ZNF547: variants seen among roughly 807,000 people sequenced by gnomAD.
ZNF547 encodes zinc finger protein 547.
ZNF547 carries 4 observed loss-of-function variants against 7.7 expected under a neutral mutation model. The observed-to-expected ratio is 0.52, with a 90% CI of 0.26 to 1.20. The LOEUF (loss-of-function observed/expected upper bound fraction) is 1.20, where lower values mean the gene tolerates loss of function less well. Among genes scored for constraint, ZNF547 ranks in the 50% most tolerant of loss-of-function variants. The pLI is 0.14. For synonymous variants in ZNF547, 166 were observed against 166.2 expected, an observed-to-expected ratio of 1.00 and a Z score of 0.01; for missense variants, 449 against 485.8, an observed-to-expected ratio of 0.92 and a Z score of 0.71.
At chr19:57,374,520 C>T (rs371112196) in intron 3 of ZNF547, among the ~76,000 whole-genome samples, 3 of 152,254 alleles carry the variant, frequency 2.0e-5, no homozygotes, top group African/African-American at 2.4e-5. Context: ...TTCCACTCCT[C>T]GTTACTTATG....
rs1236227352 is a variant in ZNF547, at chr19:57,378,319, C to A, written c.*134C>A. On this transcript the variant is annotated 3_prime_UTR_variant, in exon 4 of 4. Coordinates refer to ENST00000282282, the MANE Select transcript of ZNF547 (RefSeq NM_173631.4). The stretch of plus-strand genomic sequence containing the variant: ...AATTATGTAGGTACAGCTCTCCAGT[C>A]GCTATGTATCAGAGAATTCACACTG... 6 of 813,728 alleles carry A rather than the reference C, an allele frequency of 7.4e-6. No individual in the cohort carries two copies. The highest frequency in any genetic ancestry group is 3.1e-5 in the South Asian group (2 of 63,550). 50.4% of individuals were successfully genotyped at this position (813,728 alleles called of 1,614,324 possible).
chr19:57,368,507 T>C (rs1443621492), intron 1 of ZNF547, 37 bp from the exon 2 acceptor site: 1 of 1,609,502 alleles, frequency 6.2e-7, no homozygotes, highest in Non-Finnish European at 8.5e-7. Flanking sequence ...GATCTTCCCA[T>C]CGTTGCCCAT....
At position 57,377,297 on chromosome 19, in the gene ZNF547, AAC is replaced by A; in HGVS notation, c.326_327del (p.His109ProfsTer21). On this transcript the variant is annotated frameshift_variant, in exon 4 of 4. Coordinates refer to ENST00000282282, the MANE Select transcript of ZNF547 (RefSeq NM_173631.4). LOFTEE classifies it low-confidence loss of function (END_TRUNC). The part of the protein sequence containing the change: ...DILRLAEHDG[T>X]HPEQGLYTCP... ...TTCTGCGTCTGGCTGAGCATGACGG[AAC>A]ACACCCCGAGCAGGGACTGTACACG... 1 of 1,614,186 alleles carries A rather than the reference AAC, an allele frequency of 6.2e-7. No homozygotes were observed. The highest frequency in any genetic ancestry group is 2.2e-5 in the East Asian group (1 of 44,876).
At chr19:57,374,214 T>G (rs1030075892) in intron 3 of ZNF547, among the ~76,000 whole-genome samples, 1 of 152,248 alleles carries the variant, frequency 6.6e-6, no homozygotes, top group Non-Finnish European at 1.5e-5. Flanking sequence ...CACCAAGGCT[T>G]GGGGCTTAAA....
In ZNF547 at chr19:57,373,833, C is replaced by T. The variant is rs190259935; in HGVS notation, c.151+1925C>T. On this transcript the variant is annotated intron_variant, in intron 3 of 3. Transcript: ENST00000282282. ...CTCCCACTGTCTTGGGCAACTCTGC[C>T]CCTGTGGCTTTGCAGGGTACAGACC... Among the ~76,000 whole-genome samples the T allele has an allele frequency of 3.3e-3, 497 of 152,332 alleles. 1 individual carries two copies. Among genetic ancestry groups the T allele is most frequent in the Non-Finnish European group, 5.6e-3 (380 of 68,040 alleles).
At position 57,378,823 on chromosome 19, in the gene ZNF547, CTA is replaced by C. The variant is rs754480644; in HGVS notation, c.*641_*642del. ...ACTCTTTATCTTGTAAAATGAAACT[CTA>C]TAACCACCATTAAAAAAACAACTCA... On this transcript the variant is annotated 3_prime_UTR_variant, in exon 4 of 4. Coordinates refer to ENST00000282282, the MANE Select transcript of ZNF547 (RefSeq NM_173631.4). 1 of 404,642 alleles carries C rather than the reference CTA, an allele frequency of 2.5e-6. No homozygotes were observed. Among genetic ancestry groups the C allele is most frequent in the Admixed American group, 3.5e-5 (1 of 28,596 alleles). 25.1% of individuals were successfully genotyped at this position (404,642 alleles called of 1,614,324 possible).
rs569113860 is a variant in ZNF547, at chr19:57,378,279, G to C, written c.*94G>C. The C allele has an allele frequency of 4.6e-5, 54 of 1,169,886 alleles. No individual in the cohort carries two copies. The South Asian group carries it at 7.0e-4, about 15-fold the overall frequency. 72.5% of individuals were successfully genotyped at this position (1,169,886 alleles called of 1,614,324 possible). A position where few individuals can be genotyped will look rare whatever the true frequency, so the allele number is the denominator to read the frequency against. ...AGTACACACTGGAGAAAGACTGAAT[G>C]CCGTGAACGTGGGTAATTATGTAGG... On this transcript the variant is annotated 3_prime_UTR_variant, in exon 4 of 4. Coordinates refer to ENST00000282282, the MANE Select transcript of ZNF547 (RefSeq NM_173631.4).
intron 1 of ZNF547, among the ~76,000 whole-genome samples, chr19:57,366,202 T>G (rs958369452): frequency 6.7e-6 from 1 of 148,866 alleles, no homozygotes; most frequent in Non-Finnish European, 1.5e-5. Context: ...ATAAGCTTTT[T>G]TGTGTGTGTG....
Position 57,377,796 on chromosome 19 carries a change from G to T in ZNF547, c.820G>T (p.Gly274Trp). The T allele has an allele frequency of 6.2e-7, 1 of 1,614,172 alleles. No individual in the cohort carries two copies. Among genetic ancestry groups the T allele is most frequent in the African/African-American group, 1.3e-5 (1 of 75,044 alleles). Reference protein sequence around the residue: ...GKRPYGCSECGKFFKCNSNLF... With the variant: ...GKRPYGCSECWKFFKCNSNLF... ...GAGGCCTTATGGTTGCAGTGAATGTGGGAAGTTCTTTAAGTGCAACTCAAA... is the reference window on the plus strand; with the variant it reads ...GAGGCCTTATGGTTGCAGTGAATGTTGGAAGTTCTTTAAGTGCAACTCAAA... Residue 274 changes from glycine (G) to tryptophan (W), a missense_variant, in exon 4 of 4, where the codon GGG becomes TGG. By Grantham distance (184) the Gly-to-Trp change is radical. Transcript: ENST00000282282.
At position 57,378,808 on chromosome 19, in the gene ZNF547, T is replaced by C; in HGVS notation, c.*623T>C. On this transcript the variant is annotated 3_prime_UTR_variant, in exon 4 of 4. Coordinates refer to ENST00000282282, the MANE Select transcript of ZNF547 (RefSeq NM_173631.4). Reference sequence around the variant, plus strand: ...CAAAGAATATCCTGAACTCTTTATCTTGTAAAATGAAACTCTATAACCACC... The same window carrying C: ...CAAAGAATATCCTGAACTCTTTATCCTGTAAAATGAAACTCTATAACCACC... 1 of 437,150 alleles carries C rather than the reference T, an allele frequency of 2.3e-6. No individual in the cohort carries two copies. Among genetic ancestry groups the C allele is most frequent in the South Asian group, 1.7e-5 (1 of 58,880 alleles). The allele number at this position is 437,150 out of a possible 1,614,324, so 27.1% of individuals were successfully genotyped here. A position where few individuals can be genotyped will look rare whatever the true frequency, so the allele number is the denominator to read the frequency against.
Position 57,378,077 on chromosome 19 carries a change from C to T in ZNF547, c.1101C>T (p.Leu367=). ...AGGCCTTCCTTACAAAGTCCCACCT[C>T]ATTTGTCATCAGACAGTTCACACTG... is the stretch of plus-strand genomic sequence containing the variant. ...CGKAFLTKSH[L]ICHQTVHTAA... The change falls in exon 4 of 4, where the codon CTC becomes CTT. Residue 367 remains leucine, a synonymous_variant. Transcript: ENST00000282282. 1.2e-6 allele frequency: 2 copies of T among 1,614,000 alleles called. No homozygotes were observed. Among genetic ancestry groups the T allele is most frequent in the Non-Finnish European group, 8.5e-7 (1 of 1,179,984 alleles).
At chr19:57,369,737 G>C (rs2088492185) in intron 2 of ZNF547, among the ~76,000 whole-genome samples, 1 of 152,012 alleles carries the variant, frequency 6.6e-6, no homozygotes, top group South Asian at 2.1e-4. Flanking sequence ...TGGACATGAT[G>C]GGGTTGCTGA....
At chr19:57,368,493 G>A (rs566275391) in intron 1 of ZNF547, 51 bp from the exon 2 acceptor site, 2 of 1,586,800 alleles carry the variant, frequency 1.3e-6, no homozygotes, top group African/African-American at 2.7e-5. Flanking sequence ...AACTCTGCCT[G>A]TAAGATCTTC....
chr19:57,370,693 T>C (rs2088499202), intron 2 of ZNF547, among the ~76,000 whole-genome samples: 1 of 152,196 alleles, frequency 6.6e-6, no homozygotes, highest in Non-Finnish European at 1.5e-5. Flanking sequence ...GGTGACTCCA[T>C]GGAAACTGGC....
chr19:57,369,079 A>G (rs1323070716), intron 2 of ZNF547, among the ~76,000 whole-genome samples: 1 of 152,144 alleles, frequency 6.6e-6, no homozygotes, highest in Non-Finnish European at 1.5e-5. Flanking sequence ...GAGGGCAGTG[A>G]TAGGACCCTA....
Position 57,377,944 on chromosome 19 carries a change from C to A in ZNF547, c.968C>A (p.Pro323His), listed in dbSNP as rs866940325. The change falls in exon 4 of 4, where the codon CCT becomes CAT. Residue 323 changes from proline to histidine, a missense_variant. Pro to His is a moderately conservative substitution (Grantham distance 77, BLOSUM62 -2). Transcript: ENST00000282282. ...RHQRVHTGER[P>H]YECNECGKFF... ...CAGAGAGTTCACACTGGAGAAAGGCCTTATGAGTGCAATGAATGTGGGAAA... is the reference window on the plus strand; with the variant it reads ...CAGAGAGTTCACACTGGAGAAAGGCATTATGAGTGCAATGAATGTGGGAAA... 7 of 1,614,114 alleles carry A rather than the reference C, an allele frequency of 4.3e-6. No homozygotes were observed. In the Middle Eastern group the frequency reaches 9.9e-4, roughly 228 times the overall value.
intron 3 of ZNF547, among the ~76,000 whole-genome samples, chr19:57,375,669 A>G (rs1249600738): frequency 9.6e-4 from 80 of 83,530 alleles, no homozygotes; most frequent in African/African-American, 3.9e-3. Flanking sequence ...CTCAAAAAAA[A>G]AAAAAAAAAA....
intron 1 of ZNF547, among the ~76,000 whole-genome samples, chr19:57,367,661 T>G (rs2088479358): frequency 1.3e-5 from 2 of 152,018 alleles, no homozygotes; most frequent in Admixed American, 1.3e-4. Context: ...GAGGCGTGGG[T>G]GGGATAAGGA....
rs75129989 is a variant in ZNF547 at position 57,373,666 on chromosome 19, T to C, written c.151+1758T>C. Among the ~76,000 whole-genome samples, 668 of 152,284 alleles carry C rather than the reference T, an allele frequency of 4.4e-3. 2 individuals carry two copies. The highest frequency in any genetic ancestry group is 7.9e-3 in the Non-Finnish European group (536 of 68,028). ...ACTGGATAAATGTACCTATTCCTAA[T>C]GGAAGAAATGGGCCAAAACAAAGCC... On this transcript the variant is annotated intron_variant, in intron 3 of 3. Coordinates refer to ENST00000282282, the MANE Select transcript of ZNF547 (RefSeq NM_173631.4).
Sources: gnomAD v4.1 joint callset for allele counts (sites outside exome capture counted in the v4.1 genomes callset) on GRCh38, gnomAD v4.1.1 for gene constraint, MANE v1.5 for transcripts, NCBI Gene and HGNC (gene_info 2026-07-23, HGNC 2026-07-21) for gene names.